RAB8B: variants seen among roughly 807,000 people sequenced by gnomAD.
The protein encoded by RAB8B is ras-related protein Rab-8B.
Under a neutral mutation model 32.0 loss-of-function variants are expected in RAB8B, and 11 were observed. The observed-to-expected ratio is 0.34, with a 90% CI of 0.22 to 0.57. The LOEUF (loss-of-function observed/expected upper bound fraction) is 0.57, where lower values mean the gene tolerates loss of function less well. Among genes scored for constraint, RAB8B ranks in the 20% least tolerant of loss-of-function variants. The pLI, the probability that RAB8B is intolerant of heterozygous loss-of-function variation, is 0.86. For missense variants in RAB8B, 190 were observed against 258.5 expected, an observed-to-expected ratio of 0.73 and a Z score of 1.82; for synonymous variants, 103 against 89.6, an observed-to-expected ratio of 1.15 and a Z score of -0.85.
rs1172471428 is a variant in RAB8B, at chr15:63,249,714, G to A, written c.246+9G>A. 1 of 1,612,348 alleles carries A rather than the reference G, an allele frequency of 6.2e-7. No individual in the cohort carries two copies. ...ACTACAGAGGAGCCATGGTGAGTGTGTTGTAGGGTTTTGTAACTCTTCAGG... is the reference window on the plus strand; with the variant it reads ...ACTACAGAGGAGCCATGGTGAGTGTATTGTAGGGTTTTGTAACTCTTCAGG... On this transcript the variant is annotated intron_variant, in intron 3 of 7. Transcript: ENST00000321437.
chr15:63,245,867 A>G (rs1324478669), intron 2 of RAB8B, among the ~76,000 whole-genome samples: 1 of 152,162 alleles, frequency 6.6e-6, no homozygotes, highest in Non-Finnish European at 1.5e-5. Flanking sequence ...ACTTTATACA[A>G]TATTTTAATA....
chr15:63,190,067 A>C (rs995562200), intron 1 of RAB8B, among the ~76,000 whole-genome samples: 1 of 151,694 alleles, frequency 6.6e-6, no homozygotes, highest in African/African-American at 2.4e-5. Context: ...TTTGAGGGAC[A>C]AAATGTGTTG....
chr15:63,256,465 TC>T, intron 4 of RAB8B, 39 bp from the exon 5 acceptor site: 1 of 1,460,940 alleles, frequency 6.8e-7, no homozygotes, highest in Non-Finnish European at 9.4e-7. Flanking sequence ...AACGGGTTTT[TC>T]TCAGGCTGTT....
At chr15:63,256,923 AG>A (rs1207787118) in intron 5 of RAB8B, among the ~76,000 whole-genome samples, 1 of 152,248 alleles carries the variant, frequency 6.6e-6, no homozygotes, top group East Asian at 1.9e-4. Context: ...TTGAAGTTAA[AG>A]TAAACATTCT....
In RAB8B at chr15:63,208,033, G is replaced by A. The variant is rs150413724; in HGVS notation, c.124+18285G>A. On this transcript the variant is annotated intron_variant, in intron 1 of 7. Transcript: ENST00000321437. ...CAGCGTCCTTCCCGAATTCCATTCT[G>A]TACACTTCAAGCAAATTAGTTTTAG... 5.6e-3 allele frequency among the ~76,000 whole-genome samples: 856 copies of A among 152,236 alleles called. 7 individuals carry two copies. Among genetic ancestry groups the A allele is most frequent in the African/African-American group, 0.018 (762 of 41,528 alleles).
intron 6 of RAB8B, among the ~76,000 whole-genome samples, chr15:63,260,217 T>A (rs1206803337): frequency 2.6e-5 from 4 of 152,360 alleles, no homozygotes; most frequent in Admixed American, 1.3e-4. Flanking sequence ...TCAGTTAAGA[T>A]TCACAGAATA....
chr15:63,254,896 A>G (rs1187664257), intron 3 of RAB8B, among the ~76,000 whole-genome samples: 1 of 152,180 alleles, frequency 6.6e-6, no homozygotes, highest in Non-Finnish European at 1.5e-5. Context: ...TGGGTGACAG[A>G]GCGAGACTGT....
At chr15:63,232,093 T>G (rs1567015809) in intron 1 of RAB8B, among the ~76,000 whole-genome samples, 1 of 152,240 alleles carries the variant, frequency 6.6e-6, no homozygotes, top group African/African-American at 2.4e-5. Context: ...CTGCATACTT[T>G]ACCTGAGTTG....
At chr15:63,230,810 C>T (rs923629073) in intron 1 of RAB8B, among the ~76,000 whole-genome samples, 15 of 152,194 alleles carry the variant, frequency 9.9e-5, no homozygotes, top group African/African-American at 3.6e-4. Context: ...ATCCTCCTGC[C>T]TCTGTCTCCC....
rs2038219647 is a variant in RAB8B at position 63,263,616 on chromosome 15, T to G, written c.621T>G (p.Leu207=). The change falls in exon 8 of 8, where the codon CTT becomes CTG. Residue 207 remains leucine (L), a synonymous_variant. Transcript: ENST00000321437. ...CCAGTTTCTTTCGTTGCTCGCTACT[T>G]TGATGAACTCTTTCTGAGAGACTGC... ...KKTSFFRCSL[L] is the part of the protein sequence containing the mutation. The G allele has an allele frequency of 6.2e-7, 1 of 1,602,720 alleles. No individual in the cohort carries two copies. Among genetic ancestry groups the G allele is most frequent in the African/African-American group, 1.3e-5 (1 of 74,648 alleles).
At chr15:63,252,841 T>C (rs1380480091) in intron 3 of RAB8B, among the ~76,000 whole-genome samples, 1 of 151,424 alleles carries the variant, frequency 6.6e-6, no homozygotes, top group African/African-American at 2.4e-5. Flanking sequence ...CTCCACCTCC[T>C]GGGTTCAAGC....
chr15:63,215,750 C>T (rs2037786307), intron 1 of RAB8B, among the ~76,000 whole-genome samples: 2 of 152,138 alleles, frequency 1.3e-5, no homozygotes, highest in South Asian at 4.1e-4. Flanking sequence ...AAATTTTACC[C>T]TATAGACCAG....
intron 3 of RAB8B, among the ~76,000 whole-genome samples, chr15:63,250,711 G>T (rs567283960): frequency 6.0e-5 from 9 of 151,228 alleles, no homozygotes; most frequent in Admixed American, 1.3e-4. Flanking sequence ...CCCAGACCAC[G>T]GCTTTATCGC....
rs1039470876 is a variant in RAB8B at position 63,267,411 on chromosome 15, A to G, written c.*3792A>G. The G allele has an allele frequency of 1.3e-5, 2 of 152,542 alleles. No individual in the cohort carries two copies. The highest frequency in any genetic ancestry group is 2.9e-5 in the Non-Finnish European group (2 of 68,028). The allele number at this position is 152,542 out of a possible 1,614,324, so 9.4% of individuals were successfully genotyped here. ...TTTTTAAAATGTGAATTTAGTTATTATAGTTCAATTTTATGGCCTTACAGA... is the reference window on the plus strand; with the variant it reads ...TTTTTAAAATGTGAATTTAGTTATTGTAGTTCAATTTTATGGCCTTACAGA... On this transcript the variant is annotated 3_prime_UTR_variant, in exon 8 of 8. Coordinates refer to ENST00000321437, the MANE Select transcript of RAB8B (RefSeq NM_016530.3).
intron 1 of RAB8B, among the ~76,000 whole-genome samples, chr15:63,210,421 T>C (rs1220874317): frequency 6.6e-6 from 1 of 152,258 alleles, no homozygotes; most frequent in African/African-American, 2.4e-5. Flanking sequence ...CTGCTTTGTC[T>C]ACCTCTACTC....
chr15:63,189,814 A>C, intron 1 of RAB8B, 66 bp downstream of exon 1: 11 of 584,250 alleles, frequency 1.9e-5, no homozygotes, highest in East Asian at 1.0e-4. Context: ...GGGACGGGGA[A>C]AGGGCGGGGG....
intron 1 of RAB8B, among the ~76,000 whole-genome samples, chr15:63,240,138 C>A (rs72748904): frequency 1.4e-4 from 22 of 152,160 alleles, no homozygotes; most frequent in Non-Finnish European, 2.8e-4. Flanking sequence ...GGCTGTATCA[C>A]CAGGCTGAAG....
At chr15:63,207,522 G>C (rs1252460493) in intron 1 of RAB8B, among the ~76,000 whole-genome samples, 1 of 151,818 alleles carries the variant, frequency 6.6e-6, no homozygotes, top group East Asian at 1.9e-4. Flanking sequence ...TCAAAACCTG[G>C]AAGTCATCTT....
intron 1 of RAB8B, among the ~76,000 whole-genome samples, chr15:63,225,925 C>T (rs531351278): frequency 2.6e-5 from 4 of 152,284 alleles, no homozygotes; most frequent in African/African-American, 9.6e-5. Context: ...ACTGTAGCCT[C>T]GACCTCCTGG....
Sources: gnomAD v4.1 joint callset for allele counts (sites outside exome capture counted in the v4.1 genomes callset) on GRCh38, gnomAD v4.1.1 for gene constraint, MANE v1.5 for transcripts, NCBI Gene and HGNC (gene_info 2026-07-23, HGNC 2026-07-21) for gene names.